Variants in PPP2R3A observed in about 807,000 individuals in gnomAD.
PPP2R3A encodes serine/threonine-protein phosphatase 2A regulatory subunit B'' subunit alpha.
Under a neutral mutation model 106.9 loss-of-function variants are expected in PPP2R3A, and 80 were observed. The ratio of observed to expected loss-of-function variants is 0.75; its 90% confidence interval spans 0.62 to 0.90. The LOEUF is 0.90. PPP2R3A is among the 40% of genes least tolerant of loss of function. The pLI is 0.00. For synonymous variants in PPP2R3A, 483 were observed against 468.3 expected (o/e 1.03, Z -0.41); for missense variants, 1,386 against 1,350.4 (o/e 1.03, Z -0.41).
rs563900032 is a variant in PPP2R3A, at chr3:136,001,503, C to T, written c.5C>T (p.Ala2Val). M[A>V]ATYRLVVSTV... ...CCAGTAAGTGGATTTGATATTATGG[C>T]AGCAACTTACAGACTTGTGGTTAGT... The change falls in exon 2 of 14, where the codon GCA (alanine) becomes GTA (valine). Residue 2 changes from alanine (A) to valine (V), a missense_variant. Coordinates refer to ENST00000264977, the MANE Select transcript of PPP2R3A (RefSeq NM_002718.5). 7 of 1,608,888 alleles carry T rather than the reference C, an allele frequency of 4.4e-6. No homozygotes were observed. The South Asian group carries it at 6.6e-5, about 15-fold the overall frequency.
intron 13 of PPP2R3A, among the ~76,000 whole-genome samples, chr3:136,141,273 T>A (rs2108036801): frequency 6.6e-6 from 1 of 152,324 alleles, no homozygotes; most frequent in African/African-American, 2.4e-5. Context: ...AGCAAAAATG[T>A]CCTAGGCAGG....
chr3:135,984,844 G>A (rs1332267905), intron 1 of PPP2R3A, among the ~76,000 whole-genome samples: 3 of 152,120 alleles, frequency 2.0e-5, no homozygotes, highest in Non-Finnish European at 4.4e-5. Context: ...TGGCTGGGGA[G>A]GCCTCACAAT....
intron 2 of PPP2R3A, among the ~76,000 whole-genome samples, chr3:136,008,060 A>C (rs745803584): frequency 6.6e-6 from 1 of 152,240 alleles, no homozygotes; most frequent in Non-Finnish European, 1.5e-5. Context: ...TAGATAGTAT[A>C]GTGTATAGTT....
intron 1 of PPP2R3A, among the ~76,000 whole-genome samples, chr3:135,972,430 A>C (rs1023679834): frequency 1.3e-5 from 2 of 152,202 alleles, no homozygotes; most frequent in Non-Finnish European, 2.9e-5. Flanking sequence ...GCATTCTTCT[A>C]CAAGTTTTTG....
chr3:136,059,722 A>T (rs1293185098), intron 5 of PPP2R3A, among the ~76,000 whole-genome samples: 1 of 152,234 alleles, frequency 6.6e-6, no homozygotes, highest in Non-Finnish European at 1.5e-5. Context: ...ACATGGTGGA[A>T]TCAACCTAAA....
chr3:136,010,234 CCTGT>C (rs1276942118), intron 2 of PPP2R3A, among the ~76,000 whole-genome samples: 13 of 151,042 alleles, frequency 8.6e-5, no homozygotes, highest in African/African-American at 1.5e-4. Flanking sequence ...CATCCAAGCT[CCTGT>C]CTTTTTCTTT....
At chr3:136,044,657 GA>G (rs944546526) in intron 4 of PPP2R3A, among the ~76,000 whole-genome samples, 1 of 150,804 alleles carries the variant, frequency 6.6e-6, no homozygotes, top group African/African-American at 2.4e-5. Context: ...CCTACCAAGA[GA>G]AACCAAAATA....
chr3:136,023,756 A>G (rs1934549981), intron 2 of PPP2R3A, among the ~76,000 whole-genome samples: 1 of 152,070 alleles, frequency 6.6e-6, no homozygotes, highest in South Asian at 2.1e-4. Flanking sequence ...ACTGGTGGTT[A>G]CTTCTAGATC....
intron 3 of PPP2R3A, among the ~76,000 whole-genome samples, chr3:136,031,995 T>C (rs545885183): frequency 7.0e-4 from 107 of 152,322 alleles, no homozygotes; most frequent in African/African-American, 2.5e-3. Flanking sequence ...GGGCTCTTTT[T>C]TGGTTCTATA....
chr3:136,055,716 A>G (rs1559892831), intron 5 of PPP2R3A: 18 of 742,892 alleles, frequency 2.4e-5, no homozygotes, highest in Non-Finnish European at 1.2e-5. Flanking sequence ...AGCAACTTAG[A>G]GAAATACCAC....
intron 2 of PPP2R3A, among the ~76,000 whole-genome samples, chr3:136,019,585 T>C (rs1258928567): frequency 6.6e-6 from 1 of 152,224 alleles, no homozygotes; most frequent in East Asian, 1.9e-4. Context: ...TCTTTGGTGC[T>C]ATATTCCAGT....
At position 136,027,025 on chromosome 3, in the gene PPP2R3A, G is replaced by C; in HGVS notation, c.2189G>C (p.Ser730Thr). 6.2e-7 allele frequency: 1 copy of C among 1,613,122 alleles called. No individual in the cohort carries two copies. Among genetic ancestry groups the C allele is most frequent in the Non-Finnish European group, 8.5e-7 (1 of 1,179,192 alleles). ...DTCSNHEQTL[S>T]RIETAFMDIE... ...TGTAGTAATCATGAACAAACTCTAAGCAGAATTGAAACTGCTTTCATGGAT... is the reference window on the plus strand; with the variant it reads ...TGTAGTAATCATGAACAAACTCTAACCAGAATTGAAACTGCTTTCATGGAT... The change falls in exon 3 of 14, where the codon AGC becomes ACC. Residue 730 changes from serine to threonine, a missense_variant. Transcript: ENST00000264977.
In PPP2R3A at chr3:136,125,378, T is replaced by C. The variant is rs1180407613; in HGVS notation, c.3329+19056T>C. ...AAGTCCAGATGACTTCACTGATTAA[T>C]TCTGTCCAATATTTAAGGGAAAAAA... On this transcript the variant is annotated intron_variant, in intron 13 of 13. Coordinates refer to ENST00000264977, the MANE Select transcript of PPP2R3A (RefSeq NM_002718.5). Among the ~76,000 whole-genome samples the C allele has an allele frequency of 2.0e-5, 3 of 152,280 alleles. No individual in the cohort carries two copies. The East Asian group carries it at 5.8e-4, about 29-fold the overall frequency.
At chr3:136,037,599 T>C (rs1209241726) in intron 3 of PPP2R3A, among the ~76,000 whole-genome samples, 2 of 152,222 alleles carry the variant, frequency 1.3e-5, no homozygotes, top group Admixed American at 1.3e-4. Flanking sequence ...GTACCTGAAT[T>C]TCTTCATCTG....
Position 136,047,079 on chromosome 3 carries a change from A to G in PPP2R3A, c.2367-2180A>G, listed in dbSNP as rs1026378980. Among the ~76,000 whole-genome samples, 3 of 152,220 alleles carry G rather than the reference A, an allele frequency of 2.0e-5. No individual in the cohort carries two copies. The South Asian group carries it at 6.2e-4, about 31-fold the overall frequency. On this transcript the variant is annotated intron_variant, in intron 4 of 13. Coordinates refer to ENST00000264977, the MANE Select transcript of PPP2R3A (RefSeq NM_002718.5). ...TTAAAAAATGAAAACTCTCAGAAATATGGGATTATGTAAAGAGACCAAACC... is the reference window on the plus strand; with the variant it reads ...TTAAAAAATGAAAACTCTCAGAAATGTGGGATTATGTAAAGAGACCAAACC...
intron 1 of PPP2R3A, among the ~76,000 whole-genome samples, chr3:135,976,323 T>A (rs1937420379): frequency 6.6e-6 from 1 of 152,192 alleles, no homozygotes; most frequent in African/African-American, 2.4e-5. Context: ...GGAACACAGA[T>A]GTAATGACTG....
chr3:136,069,532 C>T (rs986124931), intron 5 of PPP2R3A, among the ~76,000 whole-genome samples: 4 of 152,070 alleles, frequency 2.6e-5, no homozygotes, highest in African/African-American at 7.2e-5. Flanking sequence ...AAGCTGAGAT[C>T]GTAGCACTGT....
intron 2 of PPP2R3A, among the ~76,000 whole-genome samples, chr3:136,005,869 C>G (rs1933824743): frequency 1.3e-5 from 2 of 152,150 alleles, no homozygotes; most frequent in Non-Finnish European, 2.9e-5. Flanking sequence ...TGACCTATTC[C>G]AATATCTTAA....
At chr3:136,019,328 T>TG (rs1296222503) in intron 2 of PPP2R3A, among the ~76,000 whole-genome samples, 1 of 152,228 alleles carries the variant, frequency 6.6e-6, no homozygotes. Context: ...ATTTTCCACG[T>TG]GCTCAAACTT....
Sources: gnomAD v4.1 joint callset for allele counts (sites outside exome capture counted in the v4.1 genomes callset) on GRCh38, gnomAD v4.1.1 for gene constraint, MANE v1.5 for transcripts, NCBI Gene and HGNC (gene_info 2026-07-23, HGNC 2026-07-21) for gene names.